The following RBFOX1 variants were observed in gnomAD, a reference collection of about 807,000 sequenced individuals.
RBFOX1 encodes the protein RNA binding fox-1 homolog 1.
Under a neutral mutation model 57.7 loss-of-function variants are expected in RBFOX1, and 8 were observed. That is an observed-to-expected ratio of 0.14 (90% CI 0.08 to 0.25). The LOEUF is 0.25. RBFOX1 is among the 10% of genes least tolerant of loss of function. RBFOX1 has a pLI of 1.00. For missense variants in RBFOX1, 611 were observed against 548.5 expected (o/e 1.11, Z -1.14); for synonymous variants, 326 against 222.4 (o/e 1.47, Z -4.15).
chr16:5,447,524 A>G (rs545217736), intron 1 of RBFOX1, among the ~76,000 whole-genome samples: 1 of 152,182 alleles, frequency 6.6e-6, no homozygotes, highest in African/African-American at 2.4e-5. Context: ...CAGCCTCCCG[A>G]ATAGCTGGGA....
intron 1 of RBFOX1, among the ~76,000 whole-genome samples, chr16:6,285,955 A>T (rs1364723088): frequency 6.6e-6 from 1 of 152,204 alleles, no homozygotes; most frequent in Non-Finnish European, 1.5e-5. Context: ...GGGATAACAC[A>T]CAGTCGGCGG....
chr16:5,776,392 C>T lies in RBFOX1; in HGVS notation c.319-90911C>T, dbSNP rs535929178. ...GCATTCCTTCAGCAGCATGAGACCA[C>T]GGCCACCATTTTAACCTGCATCCCT... On this transcript the variant is annotated intron_variant, in intron 3 of 19. Coordinates refer to the RBFOX1 transcript ENST00000641259. 4.6e-5 allele frequency among the ~76,000 whole-genome samples: 7 copies of T among 152,298 alleles called. No individual in the cohort carries two copies. In the East Asian group the frequency reaches 5.8e-4, roughly 13 times the overall value.
chr16:5,788,195 G>A (rs934651160), intron 3 of RBFOX1, among the ~76,000 whole-genome samples: 13 of 152,170 alleles, frequency 8.5e-5, no homozygotes, highest in African/African-American at 2.4e-5. Context: ...AATATCTGCT[G>A]TTGGCCGGTA....
chr16:7,588,841 T>C (rs11077201), intron 7 of RBFOX1, among the ~76,000 whole-genome samples: 144,319 of 152,158 alleles, frequency 0.95, 68,747 homozygotes, highest in African/African-American at 0.99. Context: ...TTAACTAGGA[T>C]GATGTTGATC....
intron 4 of RBFOX1, among the ~76,000 whole-genome samples, chr16:7,508,043 G>C (rs1600358798): frequency 6.6e-6 from 1 of 151,730 alleles, no homozygotes; most frequent in East Asian, 1.9e-4. Flanking sequence ...CTGGAGTGCA[G>C]TGATGCAATC....
intron 4 of RBFOX1, among the ~76,000 whole-genome samples, chr16:7,349,159 G>A (rs995477377): frequency 7.2e-5 from 11 of 152,114 alleles, no homozygotes; most frequent in Non-Finnish European, 1.3e-4. Flanking sequence ...GAGACCCACT[G>A]AAGTTCATGC....
At chr16:6,808,740 A>C (rs775778447) in intron 3 of RBFOX1, among the ~76,000 whole-genome samples, 62 of 152,180 alleles carry the variant, frequency 4.1e-4, no homozygotes, top group Admixed American at 7.2e-4. Context: ...TTTTCTCCAC[A>C]GACAAATACC....
rs529825596 is a variant in RBFOX1, at chr16:6,866,317, A to T, written c.-15-185740A>T. 2.6e-5 allele frequency among the ~76,000 whole-genome samples: 4 copies of T among 152,094 alleles called. No individual in the cohort carries two copies. In the South Asian group the frequency reaches 8.3e-4, roughly 32 times the overall value. On this transcript the variant is annotated intron_variant, in intron 3 of 15. Transcript: ENST00000550418. ...GATGGGCTTTAAGTTTCAAGCTATG[A>T]TGAAACAAGGAAATAGATCACTTCT...
At chr16:6,795,241 A>C (rs758888538) in intron 3 of RBFOX1, among the ~76,000 whole-genome samples, 4 of 152,032 alleles carry the variant, frequency 2.6e-5, no homozygotes, top group Non-Finnish European at 5.9e-5. Context: ...AAACCACCTA[A>C]ATTTTTTAAT....
intron 1 of RBFOX1, among the ~76,000 whole-genome samples, chr16:5,250,005 G>GAGGAGGATGTTGCAGTA (rs1567234446): frequency 6.4e-4 from 97 of 151,752 alleles, no homozygotes; most frequent in Non-Finnish European, 1.3e-3. Flanking sequence ...AGGTTGCAGT[G>GAGGAGGATGTTGCAGTA]AGGAGGAGGT....
chr16:6,339,974 GC>G (rs1241671022), intron 2 of RBFOX1, among the ~76,000 whole-genome samples: 1 of 152,116 alleles, frequency 6.6e-6, no homozygotes, highest in African/African-American at 2.4e-5. Context: ...ACCGTGCCCA[GC>G]CCATCTTAAG....
intron 3 of RBFOX1, among the ~76,000 whole-genome samples, chr16:5,792,969 G>A (rs928958725): frequency 7.2e-5 from 11 of 152,206 alleles, no homozygotes; most frequent in African/African-American, 2.7e-4. Flanking sequence ...AAGAGAAAGG[G>A]TTTATCTTGC....
intron 2 of RBFOX1, among the ~76,000 whole-genome samples, chr16:6,472,375 A>G (rs1298835566): frequency 1.3e-5 from 2 of 152,086 alleles, no homozygotes; most frequent in African/African-American, 2.4e-5. Flanking sequence ...CTTCCTTCCC[A>G]TCCTGTAAAC....
chr16:6,177,745 A>G (rs1481388970), intron 1 of RBFOX1, among the ~76,000 whole-genome samples: 1 of 152,092 alleles, frequency 6.6e-6, no homozygotes, highest in Non-Finnish European at 1.5e-5. Context: ...AGAATTACGA[A>G]TGAGTACACC....
At chr16:6,964,861 G>T (rs1041074646) in intron 3 of RBFOX1, among the ~76,000 whole-genome samples, 2 of 152,120 alleles carry the variant, frequency 1.3e-5, no homozygotes, top group Non-Finnish European at 2.9e-5. Context: ...GCTCCTTGCT[G>T]TGTGACCCTG....
intron 1 of RBFOX1, among the ~76,000 whole-genome samples, chr16:6,167,827 A>T (rs941007168): frequency 6.6e-6 from 1 of 152,160 alleles, no homozygotes. Flanking sequence ...CATAGCAGGC[A>T]TCTAAGGCTT....
chr16:5,439,120 G>C (rs937708150), intron 1 of RBFOX1, among the ~76,000 whole-genome samples: 7 of 152,002 alleles, frequency 4.6e-5, no homozygotes, highest in East Asian at 1.9e-4. Context: ...GAAGAAGCCA[G>C]CCTTGGGGAG....
At chr16:7,024,298 T>C (rs150711578) in intron 3 of RBFOX1, among the ~76,000 whole-genome samples, 37 of 152,316 alleles carry the variant, frequency 2.4e-4, no homozygotes, top group Admixed American at 1.6e-3. Context: ...ATGGAGAGCC[T>C]GGTTCTGTGA....
intron 3 of RBFOX1, among the ~76,000 whole-genome samples, chr16:6,774,805 A>G (rs1335529898): frequency 4.6e-5 from 7 of 152,010 alleles, no homozygotes; most frequent in African/African-American, 1.2e-4. Context: ...GAGCTTTCCA[A>G]TATAGTAGCC....
Sources: allele counts gnomAD v4.1 joint callset (sites outside exome capture counted in the v4.1 genomes callset), GRCh38; gene constraint gnomAD v4.1.1; transcripts MANE v1.5; gene names NCBI Gene and HGNC (gene_info 2026-07-23, HGNC 2026-07-21).